MEI4: variants seen among roughly 807,000 people sequenced by gnomAD.
MEI4 encodes meiotic double-stranded break formation protein 4.
A neutral mutation model predicts 31.4 loss-of-function variants in MEI4; 27 were observed. That is an observed-to-expected ratio of 0.86 (90% CI 0.63 to 1.19). MEI4 has a LOEUF of 1.19. MEI4 is among the 50% of genes most tolerant of loss of function. MEI4 has a pLI of 0.00. For synonymous variants in MEI4, 122 were observed against 145.4 expected, an observed-to-expected ratio of 0.84 and a Z score of 1.16; for missense variants, 329 against 398.9, an observed-to-expected ratio of 0.82 and a Z score of 1.49.
chr6:77,820,341 A>G lies in MEI4; in HGVS notation c.769-8590A>G, dbSNP rs1769787026. On this transcript the variant is annotated intron_variant, in intron 3 of 4. Transcript: ENST00000684080. The surrounding 1 kb of genome is among the most constrained non-coding windows in gnomAD (Gnocchi z 4.5). ...TTGGCTCACTTTGGCTCACTGCTGC[A>G]GCTTCCACCGCTCGGGTTCAAGCAG... Among the ~76,000 whole-genome samples, 1 of 151,808 alleles carries G rather than the reference A, an allele frequency of 6.6e-6. No individual in the cohort carries two copies. The highest frequency in any genetic ancestry group is 2.1e-4 in the South Asian group (1 of 4,822).
chr6:77,659,667 A>G (rs1478645753), intron 1 of MEI4, among the ~76,000 whole-genome samples: 1 of 152,198 alleles, frequency 6.6e-6, no homozygotes, highest in Non-Finnish European at 1.5e-5. Context: ...GGAGTGAAAT[A>G]GAGGGCAAGT....
chr6:77,694,788 T>C (rs1403833114), intron 2 of MEI4, among the ~76,000 whole-genome samples: 1 of 151,852 alleles, frequency 6.6e-6, no homozygotes, highest in African/African-American at 2.4e-5. Context: ...AGTAATGGGA[T>C]GGCTGGGTCA....
At chr6:77,901,876 G>T (rs1458393793) in intron 4 of MEI4, among the ~76,000 whole-genome samples, 1 of 151,978 alleles carries the variant, frequency 6.6e-6, no homozygotes, top group Non-Finnish European at 1.5e-5. Flanking sequence ...ATTTTGAGTT[G>T]ATTTTTGTAT....
intron 3 of MEI4, among the ~76,000 whole-genome samples, chr6:77,800,962 T>C (rs1414018170): frequency 1.3e-5 from 2 of 152,152 alleles, no homozygotes; most frequent in African/African-American, 4.8e-5. Context: ...TCTTTTTTGG[T>C]TGTGTCTCTG....
intron 2 of MEI4, among the ~76,000 whole-genome samples, chr6:77,751,578 G>T (rs1020891561): frequency 6.6e-6 from 1 of 151,664 alleles, no homozygotes; most frequent in Non-Finnish European, 1.5e-5. Flanking sequence ...AAACATCCAA[G>T]CCCTGAAATG....
chr6:77,846,468 C>T (rs1770489923), intron 4 of MEI4, among the ~76,000 whole-genome samples: 1 of 152,054 alleles, frequency 6.6e-6, no homozygotes, highest in Non-Finnish European at 1.5e-5. Flanking sequence ...CAGAGCTTTG[C>T]CCTGCTTTAT....
chr6:77,915,000 A>G (rs1196838176), intron 4 of MEI4, among the ~76,000 whole-genome samples: 1 of 152,010 alleles, frequency 6.6e-6, no homozygotes. Flanking sequence ...ATGTTTTTAA[A>G]TCCATTCAGC....
chr6:77,743,364 T>C (rs1767475665), intron 2 of MEI4, among the ~76,000 whole-genome samples: 1 of 152,152 alleles, frequency 6.6e-6, no homozygotes, highest in African/African-American at 2.4e-5. Context: ...TTCCTGGGTA[T>C]TTTACTCTCT....
chr6:77,715,947 G>A (rs909817663), intron 2 of MEI4, among the ~76,000 whole-genome samples: 2 of 151,970 alleles, frequency 1.3e-5, no homozygotes, highest in Admixed American at 1.3e-4. Flanking sequence ...AGTTTTGTGA[G>A]CTTTTAAGAA....
Position 77,698,949 on chromosome 6 carries a change from T to C in MEI4, c.232+8046T>C, listed in dbSNP as rs556683686. On this transcript the variant is annotated intron_variant, in intron 2 of 4. Coordinates refer to ENST00000684080, the MANE Select transcript of MEI4 (RefSeq NM_001322247.2). Reference sequence around the variant, plus strand: ...TCTTTTCACATAGTCCCATATTTCTTGGAGGCTTTGTTCGTTTCTTTTTAT... The same window carrying C: ...TCTTTTCACATAGTCCCATATTTCTCGGAGGCTTTGTTCGTTTCTTTTTAT... Among the ~76,000 whole-genome samples the C allele has an allele frequency of 5.2e-4, 79 of 152,274 alleles. No individual in the cohort carries two copies. The East Asian group carries it at 8.9e-3, about 17-fold the overall frequency.
intron 4 of MEI4, among the ~76,000 whole-genome samples, chr6:77,918,335 T>A (rs1162045730): frequency 7.0e-6 from 1 of 141,910 alleles, no homozygotes; most frequent in African/African-American, 2.7e-5. Context: ...GGGGATGGCA[T>A]TGAATCTGTA....
Position 77,840,534 on chromosome 6 carries a change from C to A in MEI4, c.900+11472C>A, listed in dbSNP as rs541073813. 6.6e-5 allele frequency among the ~76,000 whole-genome samples: 10 copies of A among 152,272 alleles called. No homozygotes were observed. The East Asian group carries it at 1.9e-3, about 29-fold the overall frequency. ...AACATAATAAACTCAAAGGAAACCTCACCCAAACACATCATCATAAACTTC... is the reference window on the plus strand; with the variant it reads ...AACATAATAAACTCAAAGGAAACCTAACCCAAACACATCATCATAAACTTC... On this transcript the variant is annotated intron_variant, in intron 4 of 4. Transcript: ENST00000684080.
chr6:77,834,436 G>T (rs149359052), intron 4 of MEI4, among the ~76,000 whole-genome samples: 2 of 145,074 alleles, frequency 1.4e-5, no homozygotes, highest in Admixed American at 6.9e-5. Flanking sequence ...ATTATATGTC[G>T]TATAAAATAA....
chr6:77,873,344 T>C (rs1172748028), intron 4 of MEI4, among the ~76,000 whole-genome samples: 1 of 152,234 alleles, frequency 6.6e-6, no homozygotes, highest in Non-Finnish European at 1.5e-5. Flanking sequence ...GGCATTGCTC[T>C]GATGGCCAGT....
chr6:77,868,291 T>G (rs1771102257), intron 4 of MEI4, among the ~76,000 whole-genome samples: 1 of 150,146 alleles, frequency 6.7e-6, no homozygotes, highest in African/African-American at 2.4e-5. Flanking sequence ...TGATTAGAGG[T>G]AGCATTATTC....
intron 2 of MEI4, among the ~76,000 whole-genome samples, chr6:77,699,004 T>G (rs1287783317): frequency 6.6e-6 from 1 of 151,902 alleles, no homozygotes; most frequent in African/African-American, 2.4e-5. Flanking sequence ...CCTTCTCGCT[T>G]CATTTCATTC....
chr6:77,870,626 G>A (rs1428010409), intron 4 of MEI4, among the ~76,000 whole-genome samples: 1 of 152,016 alleles, frequency 6.6e-6, no homozygotes, highest in Non-Finnish European at 1.5e-5. Context: ...TTTTAGGAGA[G>A]AACATATAAT....
intron 4 of MEI4, among the ~76,000 whole-genome samples, chr6:77,880,568 A>G (rs1322782809): frequency 6.6e-6 from 1 of 152,182 alleles, no homozygotes; most frequent in African/African-American, 2.4e-5. Flanking sequence ...CCAAAGTCTT[A>G]AGTTAAACAT....
intron 4 of MEI4, among the ~76,000 whole-genome samples, chr6:77,908,112 G>A (rs1251720906): frequency 1.3e-5 from 2 of 151,642 alleles, no homozygotes; most frequent in Non-Finnish European, 2.9e-5. Context: ...TATTCACTCT[G>A]ATGGTAGTTT....
Sources: gnomAD v4.1 joint callset for allele counts (sites outside exome capture counted in the v4.1 genomes callset) on GRCh38, gnomAD v4.1.1 for gene constraint, Gnocchi (gnomAD v3.1) non-coding constraint, MANE v1.5 for transcripts, NCBI Gene and HGNC (gene_info 2026-07-23, HGNC 2026-07-21) for gene names.